The following RCOR1 variants were observed in gnomAD, a reference collection of about 807,000 sequenced individuals.
The protein encoded by RCOR1 is REST corepressor 1.
RCOR1 carries 12 observed loss-of-function variants against 64.0 expected under a neutral mutation model. That is an observed-to-expected ratio of 0.19 (90% confidence interval 0.12 to 0.30). The LOEUF is 0.30. Ranked by LOEUF, RCOR1 falls within the 10% of genes least tolerant of loss-of-function variation. The pLI, the probability that RCOR1 is intolerant of heterozygous loss-of-function variation, is 1.00. For synonymous variants in RCOR1, 279 were observed against 227.2 expected (o/e 1.23, Z -2.05); for missense variants, 502 against 621.2 (o/e 0.81, Z 2.04).
intron 2 of RCOR1, among the ~76,000 whole-genome samples, chr14:102,633,933 G>A (rs1231548576): frequency 2.0e-5 from 3 of 152,166 alleles, no homozygotes; most frequent in Non-Finnish European, 4.4e-5. Flanking sequence ...ATAATACATA[G>A]AAGGTAGATT....
At chr14:102,690,581 CCT>C (rs1895512367) in intron 3 of RCOR1, among the ~76,000 whole-genome samples, 1 of 151,870 alleles carries the variant, frequency 6.6e-6, no homozygotes, top group Admixed American at 6.6e-5. Flanking sequence ...ACAGCAGGAC[CCT>C]GTCTTAAAAA....
At chr14:102,631,789 TTTTC>T (rs755567959) in intron 2 of RCOR1, among the ~76,000 whole-genome samples, 12 of 152,132 alleles carry the variant, frequency 7.9e-5, no homozygotes, top group Non-Finnish European at 1.6e-4. Context: ...TGTTCTTTAC[TTTTC>T]TTTCTTTTTT....
intron 2 of RCOR1, among the ~76,000 whole-genome samples, chr14:102,670,671 T>G (rs963369331): frequency 3.3e-5 from 5 of 151,708 alleles, no homozygotes; most frequent in African/African-American, 1.2e-4. Context: ...AAGTAGAGTT[T>G]AGGATTGTAG....
intron 2 of RCOR1, 60 bp from the exon 3 acceptor site, chr14:102,681,831 GTTAC>G (rs1895310152): frequency 1.7e-6 from 2 of 1,185,572 alleles, no homozygotes; most frequent in Non-Finnish European, 1.2e-6. Context: ...AAAAGGTATT[GTTAC>G]TTATAGCTTA....
chr14:102,682,059 A>G (rs529581706), intron 3 of RCOR1, 81 bp downstream of exon 3: 45 of 760,164 alleles, frequency 5.9e-5, no homozygotes, highest in African/African-American at 2.3e-4. Flanking sequence ...AAAAGCTTCT[A>G]TATGTATTAA....
In RCOR1 at chr14:102,717,679, T is replaced by G. The variant is rs531286490; in HGVS notation, c.1053+3062T>G. ...TCCTTTCTCCCTCTGCTGAGTGAGCTCCTGGTGGTTGCTGTTTAATATATT... is the reference window on the plus strand; with the variant it reads ...TCCTTTCTCCCTCTGCTGAGTGAGCGCCTGGTGGTTGCTGTTTAATATATT... On this transcript the variant is annotated intron_variant, in intron 8 of 11. Coordinates refer to ENST00000262241, the MANE Select transcript of RCOR1 (RefSeq NM_015156.4). Among the ~76,000 whole-genome samples, 5 of 152,284 alleles carry G rather than the reference T, an allele frequency of 3.3e-5. No individual in the cohort carries two copies. The East Asian group carries it at 9.6e-4, about 29-fold the overall frequency.
intron 2 of RCOR1, chr14:102,651,150 GC>G (rs1894579889): frequency 1.2e-6 from 1 of 806,162 alleles, no homozygotes; most frequent in African/African-American, 1.9e-5. Context: ...CCCTAACCCA[GC>G]GGCGCTAGAG....
At chr14:102,617,587 CTTTTTT>C (rs71119722) in intron 2 of RCOR1, among the ~76,000 whole-genome samples, 8 of 118,262 alleles carry the variant, frequency 6.8e-5, no homozygotes, top group Non-Finnish European at 7.1e-5. Context: ...CTGTCTCTTT[CTTTTTT>C]TTTTTTTTTT....
chr14:102,601,317 A>G (rs560107792), intron 2 of RCOR1, among the ~76,000 whole-genome samples: 9 of 152,126 alleles, frequency 5.9e-5, no homozygotes, highest in Non-Finnish European at 1.3e-4. Flanking sequence ...CCGACCAAAC[A>G]CTGATTTAAT....
intron 2 of RCOR1, among the ~76,000 whole-genome samples, chr14:102,673,864 C>T (rs1210143987): frequency 6.6e-6 from 1 of 152,192 alleles, no homozygotes; most frequent in Non-Finnish European, 1.5e-5. Context: ...ATCCGCCCGC[C>T]GCCGCCTCGC....
chr14:102,609,476 G>C (rs561239272), intron 2 of RCOR1, among the ~76,000 whole-genome samples: 2 of 152,102 alleles, frequency 1.3e-5, no homozygotes, highest in South Asian at 2.1e-4. Context: ...GTCTCACTCT[G>C]TTGTCCAGGC....
chr14:102,641,455 C>A (rs1410412215), intron 2 of RCOR1, among the ~76,000 whole-genome samples: 1 of 151,822 alleles, frequency 6.6e-6, no homozygotes, highest in Non-Finnish European at 1.5e-5. Context: ...CAAAAATTAG[C>A]CGGTTATGGT....
At chr14:102,633,578 C>T (rs917881754) in intron 2 of RCOR1, among the ~76,000 whole-genome samples, 6 of 152,024 alleles carry the variant, frequency 3.9e-5, no homozygotes, top group Admixed American at 1.3e-4. Flanking sequence ...TTTGCTCTGT[C>T]ACCCAGGCTA....
Position 102,644,002 on chromosome 14 carries a change from T to A in RCOR1, c.362-37893T>A, listed in dbSNP as rs148495796. Among the ~76,000 whole-genome samples the A allele has an allele frequency of 4.8e-3, 724 of 152,302 alleles. 6 individuals are homozygous for A. Among genetic ancestry groups the A allele is most frequent in the African/African-American group, 0.017 (708 of 41,560 alleles). ...TTGTCTTTAAACAACAACAATCGTTTTATTATCTCACACTTTCTGGTGATG... is the reference window on the plus strand; with the variant it reads ...TTGTCTTTAAACAACAACAATCGTTATATTATCTCACACTTTCTGGTGATG... On this transcript the variant is annotated intron_variant, in intron 2 of 11. Transcript: ENST00000262241.
Position 102,592,959 on chromosome 14 carries a change from G to A in RCOR1, c.73G>A (p.Ala25Thr). ...RRGRNNAAASASAAAASAAAS... is the reference protein window; with the variant it reads ...RRGRNNAAASTSAAAASAAAS... ...AGGGAGGAACAACGCGGCCGCCTCCGCCTCCGCCGCCGCCGCCTCCGCCGC... is the reference window on the plus strand; with the variant it reads ...AGGGAGGAACAACGCGGCCGCCTCCACCTCCGCCGCCGCCGCCTCCGCCGC... The change falls in exon 1 of 12, where the codon GCC (alanine) becomes ACC (threonine). Residue 25 changes from alanine (A) to threonine (T), a missense_variant. Transcript: ENST00000262241. The A allele has an allele frequency of 6.8e-6, 8 of 1,171,382 alleles. No homozygotes were observed. The highest frequency in any genetic ancestry group is 8.5e-6 in the Non-Finnish European group (8 of 944,358). 72.6% of individuals were successfully genotyped at this position (1,171,382 alleles called of 1,614,324 possible).
intron 4 of RCOR1, among the ~76,000 whole-genome samples, chr14:102,705,563 C>T (rs370369208): frequency 1.3e-5 from 2 of 152,192 alleles, no homozygotes; most frequent in African/African-American, 4.8e-5. Flanking sequence ...GTCCTCCTGC[C>T]TCAGCCCCCC....
At chr14:102,644,846 TC>T in intron 2 of RCOR1, among the ~76,000 whole-genome samples, 1 of 152,332 alleles carries the variant, frequency 6.6e-6, no homozygotes, top group East Asian at 1.9e-4. Context: ...TGGTCTCAGT[TC>T]TGGTGCCTGG....
At chr14:102,617,376 T>G (rs1893782814) in intron 2 of RCOR1, among the ~76,000 whole-genome samples, 1 of 152,174 alleles carries the variant, frequency 6.6e-6, no homozygotes. Flanking sequence ...TTTCACACAT[T>G]CCACTTGTGT....
intron 2 of RCOR1, among the ~76,000 whole-genome samples, chr14:102,645,292 AAGAAAGTATTAC>A (rs1431941636): frequency 3.3e-5 from 5 of 152,190 alleles, no homozygotes; most frequent in Non-Finnish European, 7.3e-5. Flanking sequence ...TTGAGGTTTT[AAGAAAGTATTAC>A]AGTCACAGTC....
Sources: allele counts gnomAD v4.1 joint callset (sites outside exome capture counted in the v4.1 genomes callset), GRCh38; gene constraint gnomAD v4.1.1; transcripts MANE v1.5; gene names NCBI Gene and HGNC (gene_info 2026-07-23, HGNC 2026-07-21).